CSRNP1: variants seen among roughly 807,000 people sequenced by gnomAD.
CSRNP1 encodes the protein cysteine and serine rich nuclear protein 1.
A neutral mutation model predicts 25.0 loss-of-function variants in CSRNP1; 8 were observed. The ratio of observed to expected loss-of-function variants is 0.32; its 90% CI spans 0.19 to 0.58. The LOEUF is 0.58. Among genes scored for constraint, CSRNP1 ranks in the 20% least tolerant of loss-of-function variants. CSRNP1 has a pLI of 0.88. For synonymous variants in CSRNP1, 305 were observed against 303.1 expected, an observed-to-expected ratio of 1.01 and a Z score of -0.06; for missense variants, 691 against 773.1, an observed-to-expected ratio of 0.89 and a Z score of 1.26.
intron 3 of CSRNP1, 69 bp from the exon 4 acceptor site, chr3:39,144,520 G>C (rs1233742057): frequency 6.9e-7 from 1 of 1,451,356 alleles, no homozygotes; most frequent in Non-Finnish European, 9.2e-7. Context: ...ACTGTCACTA[G>C]ACAAACCCTC....
In CSRNP1 at chr3:39,143,836, G is replaced by A. The variant is rs1253356223; in HGVS notation, c.989C>T (p.Pro330Leu). The A allele has an allele frequency of 6.2e-7, 1 of 1,614,256 alleles. No individual in the cohort carries two copies. The highest frequency in any genetic ancestry group is 2.2e-5 in the East Asian group (1 of 44,888). Residue 330 changes from proline (P) to leucine (L), a missense_variant, in exon 5 of 5, where the codon CCT becomes CTT. Coordinates refer to ENST00000273153, the MANE Select transcript of CSRNP1 (RefSeq NM_033027.4). ...GGGGGGCTTGGCCAGTGGGAAAGTA[G>A]GGACCAGGGCCTCCTCACCAGGGCT... ...PPSPGEEALV[P>L]TFPLAKPPMN... is the part of the protein sequence containing the mutation.
At position 39,146,691 on chromosome 3, in the gene CSRNP1, C is replaced by G. The variant is rs13084580; in HGVS notation, c.-9G>C. 1 of 1,556,556 alleles carries G rather than the reference C, an allele frequency of 6.4e-7. No homozygotes were observed. Among genetic ancestry groups the G allele is most frequent in the Non-Finnish European group, 8.7e-7 (1 of 1,150,138 alleles). ...TTCAACAGCCCAGTCATGGTGGTGCCGGACGTGCTCTGGGGTCTGGGGACA... is the reference window on the plus strand; with the variant it reads ...TTCAACAGCCCAGTCATGGTGGTGCGGGACGTGCTCTGGGGTCTGGGGACA... On this transcript the variant is annotated 5_prime_UTR_variant, in exon 2 of 5. Coordinates refer to ENST00000273153, the MANE Select transcript of CSRNP1 (RefSeq NM_033027.4).
intron 1 of CSRNP1, among the ~76,000 whole-genome samples, 154 bp from the exon 2 acceptor site, chr3:39,146,876 G>A (rs1450177295): frequency 6.6e-6 from 1 of 151,972 alleles, no homozygotes; most frequent in African/African-American, 2.4e-5. Flanking sequence ...GTGGGGGAGG[G>A]CACAGTCTCC....
intron 1 of CSRNP1, 23 bp from the exon 2 acceptor site, chr3:39,146,745 C>G: frequency 6.5e-7 from 1 of 1,534,322 alleles, no homozygotes; most frequent in South Asian, 1.2e-5. Flanking sequence ...TGAGAAGGCT[C>G]TAAGTGGCAG....
At chr3:39,151,023 C>T (rs1198859006) in intron 1 of CSRNP1, 1 of 152,138 alleles carries the variant, frequency 6.6e-6, no homozygotes, top group South Asian at 2.1e-4. Context: ...GAGCCAGAGA[C>T]AAGGAGAGGC....
At chr3:39,144,856 A>G (rs2125885758) in intron 3 of CSRNP1, 141 bp downstream of exon 3, 1 of 1,042,912 alleles carries the variant, frequency 9.6e-7, no homozygotes, top group Non-Finnish European at 1.4e-6. Flanking sequence ...GGCTCCAATC[A>G]AGCCAATCAC....
intron 1 of CSRNP1, among the ~76,000 whole-genome samples, chr3:39,147,469 G>A (rs916488985): frequency 1.3e-5 from 2 of 152,016 alleles, no homozygotes; most frequent in African/African-American, 4.8e-5. Context: ...CTCCCGGTGT[G>A]GGAGCTTCTC....
Position 39,142,978 on chromosome 3 carries a change from C to G in CSRNP1, c.*77G>C. 4.7e-6 allele frequency: 7 copies of G among 1,493,896 alleles called. No homozygotes were observed. Among genetic ancestry groups the G allele is most frequent in the Non-Finnish European group, 4.5e-6 (5 of 1,114,570 alleles). The allele number at this position is 1,493,896 out of a possible 1,614,324, so 92.5% of individuals were successfully genotyped here. ...TGAGCCAGCCAGTGGGAGACTGTTA[C>G]GCAGACTCTGGGGAGCCCCATAATT... On this transcript the variant is annotated 3_prime_UTR_variant, in exon 5 of 5. Transcript: ENST00000273153.
intron 1 of CSRNP1, 88 bp downstream of exon 1, chr3:39,153,350 C>T (rs150385268): frequency 2.7e-4 from 47 of 177,012 alleles, no homozygotes; most frequent in African/African-American, 1.1e-3. Flanking sequence ...GAGTGAACGG[C>T]AGGAGGCAGG....
Position 39,143,922 on chromosome 3 carries a change from C to G in CSRNP1, c.903G>C (p.Gln301His), listed in dbSNP as rs777481412. 6.2e-7 allele frequency: 1 copy of G among 1,614,238 alleles called. No homozygotes were observed. ...THFIHTLTRL[Q>H]LEQEAESFRE... is the part of the protein sequence containing the mutation. ...TAAAGCTCTCAGCCTCCTGTTCCAACTGCAGGCGGGTGAGTGTGTGGATGA... is the reference window on the plus strand; with the variant it reads ...TAAAGCTCTCAGCCTCCTGTTCCAAGTGCAGGCGGGTGAGTGTGTGGATGA... Residue 301 changes from glutamine to histidine, a missense_variant, in exon 5 of 5, where the codon CAG (glutamine) becomes CAC (histidine). Transcript: ENST00000273153.
In CSRNP1 at chr3:39,143,937, T is replaced by C; in HGVS notation, c.888A>G (p.Thr296=). Residue 296 remains threonine (T), a synonymous_variant, in exon 5 of 5, where the codon ACA becomes ACG. Coordinates refer to ENST00000273153, the MANE Select transcript of CSRNP1 (RefSeq NM_033027.4). ...CCTGTTCCAACTGCAGGCGGGTGAG[T>C]GTGTGGATGAAATGGGTCTGAACTC... ...QARVQTHFIH[T]LTRLQLEQEA... The C allele has an allele frequency of 6.2e-7, 1 of 1,613,984 alleles. No homozygotes were observed. The highest frequency in any genetic ancestry group is 8.5e-7 in the Non-Finnish European group (1 of 1,179,982).
chr3:39,142,025 T>C lies in CSRNP1; in HGVS notation c.*1030A>G, dbSNP rs910297889. Reference sequence around the variant, plus strand: ...ATAGTTCTGACACTCAGGGACAATGTAGAAATTATGATGCAAAATTAAACA... The same window carrying C: ...ATAGTTCTGACACTCAGGGACAATGCAGAAATTATGATGCAAAATTAAACA... On this transcript the variant is annotated 3_prime_UTR_variant, in exon 5 of 5. Coordinates refer to ENST00000273153, the MANE Select transcript of CSRNP1 (RefSeq NM_033027.4). The C allele has an allele frequency of 1.3e-5, 2 of 152,568 alleles. No individual in the cohort carries two copies. Among genetic ancestry groups the C allele is most frequent in the Non-Finnish European group, 2.9e-5 (2 of 68,036 alleles). The allele number at this position is 152,568 out of a possible 1,614,324, so 9.5% of individuals were successfully genotyped here.
chr3:39,147,541 GACC>G (rs2039532848), intron 1 of CSRNP1, among the ~76,000 whole-genome samples: 1 of 152,048 alleles, frequency 6.6e-6, no homozygotes, highest in South Asian at 2.1e-4. Context: ...AGGCCTGTGT[GACC>G]ACAGCCACTA....
chr3:39,145,428 G>T (rs6787473), intron 2 of CSRNP1, among the ~76,000 whole-genome samples, 172 bp from the exon 3 acceptor site: 16 of 152,232 alleles, frequency 1.1e-4, no homozygotes, highest in Admixed American at 4.6e-4. Flanking sequence ...GGACTGGAGC[G>T]GCTGAAACTG....
intron 3 of CSRNP1, among the ~76,000 whole-genome samples, 182 bp downstream of exon 3, chr3:39,144,815 G>A (rs888026746): frequency 2.0e-5 from 3 of 151,882 alleles, no homozygotes; most frequent in African/African-American, 4.8e-5. Flanking sequence ...GCCCTCCTCT[G>A]CGCCTCCTGT....
In CSRNP1 at chr3:39,145,228, C is replaced by T. The variant is rs763459311; in HGVS notation, c.234G>A (p.Arg78=). The T allele has an allele frequency of 8.7e-6, 14 of 1,606,950 alleles. No individual in the cohort carries two copies. In the African/African-American group the frequency reaches 1.6e-4, roughly 18 times the overall value. ...CAAAGGCTACACGGCCTGGGCGCTC[C>T]CGGCGAGCCCGCTTCAGGATAGACA... ...TPLSILKRAR[R]ERPGRVAFDG... is the part of the protein sequence containing the mutation. The change falls in exon 3 of 5, where the codon CGG becomes CGA. Residue 78 remains arginine (R), a synonymous_variant. Coordinates refer to ENST00000273153, the MANE Select transcript of CSRNP1 (RefSeq NM_033027.4).
At position 39,143,778 on chromosome 3, in the gene CSRNP1, G is replaced by A. The variant is rs770780583; in HGVS notation, c.1047C>T (p.Ser349=). 4.3e-6 allele frequency: 7 copies of A among 1,614,012 alleles called. No homozygotes were observed. In the African/African-American group the frequency reaches 9.3e-5, roughly 22 times the overall value. ...MNNELGDNSC[S]SDMTDSSTAS... ...CTGTAGAAGAATCAGTCATGTCGCT[G>A]CTGCAGCTGTTGTCTCCCAGCTCAT... The change falls in exon 5 of 5, where the codon AGC becomes AGT. Residue 349 remains serine (S), a synonymous_variant. Transcript: ENST00000273153.
Position 39,145,050 on chromosome 3 carries a change from C to T in CSRNP1, c.412G>A (p.Glu138Lys), listed in dbSNP as rs372648220. ...FAQEQARARHEKLRQRLKEEK... is the reference protein window; with the variant it reads ...FAQEQARARHKKLRQRLKEEK... The stretch of plus-strand genomic sequence containing the variant: ...TCTTTCAAGCGCTGGCGGAGCTTCT[C>T]GTGCCGTGCACGGGCTTGCTCCTGC... The change falls in exon 3 of 5, where the codon GAG (glutamate) becomes AAG (lysine). Residue 138 changes from glutamate to lysine, a missense_variant. Transcript: ENST00000273153. The T allele has an allele frequency of 2.9e-5, 47 of 1,613,914 alleles. No individual in the cohort carries two copies. Among genetic ancestry groups the T allele is most frequent in the Admixed American group, 5.0e-5 (3 of 59,986 alleles).
intron 1 of CSRNP1, among the ~76,000 whole-genome samples, chr3:39,147,861 G>A (rs1220295077): frequency 6.6e-6 from 1 of 152,146 alleles, no homozygotes; most frequent in African/African-American, 2.4e-5. Flanking sequence ...GGCCTTCGGG[G>A]AGGTCACCAG....
Sources: gnomAD v4.1 joint callset for allele counts (sites outside exome capture counted in the v4.1 genomes callset) on GRCh38, gnomAD v4.1.1 for gene constraint, MANE v1.5 for transcripts, NCBI Gene and HGNC (gene_info 2026-07-23, HGNC 2026-07-21) for gene names.